The following LYRM4 variants were observed in gnomAD, a reference collection of about 807,000 sequenced individuals.
The protein encoded by LYRM4 is LYR motif-containing protein 4.
In LYRM4, 9 loss-of-function variants were observed where a neutral mutation model predicts 11.7. That is an observed-to-expected ratio of 0.77 (90% CI 0.46 to 1.34). The LOEUF is 1.34. LYRM4 is among the 40% of genes most tolerant of loss of function. LYRM4 has a pLI of 0.00. For synonymous variants in LYRM4, 42 were observed against 40.4 expected (o/e 1.04, Z -0.15); for missense variants, 133 against 112.5 (o/e 1.18, Z -0.82).
chr6:5,163,411 G>C (rs1399993363), intron 2 of LYRM4, among the ~76,000 whole-genome samples: 1 of 151,946 alleles, frequency 6.6e-6, no homozygotes. Flanking sequence ...TCACCGATCA[G>C]TTTGCCTAGC....
chr6:5,111,003 A>G (rs552993424), intron 2 of LYRM4, among the ~76,000 whole-genome samples: 2 of 152,234 alleles, frequency 1.3e-5, no homozygotes, highest in Non-Finnish European at 2.9e-5. Context: ...AATGCAGCAC[A>G]GGGACTTTCT....
chr6:5,128,969 C>G (rs1254197594), intron 2 of LYRM4, among the ~76,000 whole-genome samples: 1 of 152,206 alleles, frequency 6.6e-6, no homozygotes, highest in Non-Finnish European at 1.5e-5. Flanking sequence ...CTGATGTGCT[C>G]CTTACATATG....
chr6:5,099,996 A>G (rs937253609), downstream of LYRM4, among the ~76,000 whole-genome samples: 3 of 152,180 alleles, frequency 2.0e-5, no homozygotes, highest in African/African-American at 7.2e-5. The surrounding 1 kb of genome is among the most constrained non-coding windows in gnomAD (Gnocchi z 4.3). Context: ...CTAGACATTT[A>G]GACCTGTCAA....
At chr6:5,148,921 T>C (rs1217701976) in intron 2 of LYRM4, among the ~76,000 whole-genome samples, 1 of 152,230 alleles carries the variant, frequency 6.6e-6, no homozygotes, top group African/African-American at 2.4e-5. Context: ...TAAGTTTTCA[T>C]TTCTTAATCG....
intron 2 of LYRM4, among the ~76,000 whole-genome samples, chr6:5,212,850 C>T (rs993348690): frequency 1.3e-5 from 2 of 152,032 alleles, no homozygotes; most frequent in African/African-American, 4.8e-5. Flanking sequence ...ACTGAGTGGG[C>T]CATAATCATG....
chr6:5,085,529 C>G, the LYRM4 span: 1 of 1,539,144 alleles, frequency 6.5e-7, no homozygotes, highest in Non-Finnish European at 8.7e-7. Context: ...GCGCCGGGAC[C>G]AGCGCCCTTC....
chr6:5,185,205 A>G (rs913961518), intron 2 of LYRM4, among the ~76,000 whole-genome samples: 18 of 152,244 alleles, frequency 1.2e-4, no homozygotes, highest in East Asian at 1.9e-4. Flanking sequence ...TATGTGTCCA[A>G]TGAATGAATG....
the LYRM4 span, among the ~76,000 whole-genome samples, chr6:5,052,658 G>A: frequency 6.6e-6 from 1 of 152,266 alleles, no homozygotes; most frequent in East Asian, 1.9e-4. Context: ...ATGGATGGTG[G>A]TGACAGTTAC....
At chr6:5,127,311 C>T (rs1033407782) in intron 2 of LYRM4, among the ~76,000 whole-genome samples, 1 of 152,114 alleles carries the variant, frequency 6.6e-6, no homozygotes, top group Admixed American at 6.5e-5. Context: ...TCTTGAACTC[C>T]TGGGCTCAAG....
chr6:5,221,482 C>G (rs936209795), intron 1 of LYRM4, among the ~76,000 whole-genome samples: 2 of 152,290 alleles, frequency 1.3e-5, no homozygotes, highest in South Asian at 4.1e-4. Context: ...ATCACGAGGT[C>G]AGGAGTTTGA....
chr6:5,254,974 C>T (rs1277373047), intron 1 of LYRM4, among the ~76,000 whole-genome samples: 1 of 152,166 alleles, frequency 6.6e-6, no homozygotes, highest in East Asian at 1.9e-4. Context: ...CTGGGTTCTG[C>T]CATAACCACT....
chr6:5,113,486 G>A (rs1762978018), intron 2 of LYRM4: 5 of 319,730 alleles, frequency 1.6e-5, no homozygotes, highest in South Asian at 7.0e-5. Flanking sequence ...AGTTATAGAC[G>A]GGCAGCCAGA....
At chr6:5,224,056 T>C (rs1762739700) in intron 1 of LYRM4, among the ~76,000 whole-genome samples, 1 of 152,196 alleles carries the variant, frequency 6.6e-6, no homozygotes, top group Non-Finnish European at 1.5e-5. Context: ...CTCCCTGGTT[T>C]TCTCTCCTGG....
chr6:5,236,850 G>A (rs1763576055), intron 1 of LYRM4, among the ~76,000 whole-genome samples: 1 of 152,024 alleles, frequency 6.6e-6, no homozygotes. Flanking sequence ...CCAGCTATTT[G>A]GGAGCCTGAG....
At chr6:5,160,613 G>A (rs1257789436) in intron 2 of LYRM4, among the ~76,000 whole-genome samples, 1 of 151,108 alleles carries the variant, frequency 6.6e-6, no homozygotes, top group Non-Finnish European at 1.5e-5. Context: ...TGTGAGATGT[G>A]CCTTTGTTCC....
the LYRM4 span, among the ~76,000 whole-genome samples, chr6:5,084,251 C>T: frequency 2.6e-5 from 4 of 152,338 alleles, no homozygotes; most frequent in Admixed American, 6.5e-5. Context: ...AAAAACACCA[C>T]TTTTAGACGT....
intron 2 of LYRM4, among the ~76,000 whole-genome samples, chr6:5,131,201 G>A (rs1261775663): frequency 6.6e-6 from 1 of 152,112 alleles, no homozygotes; most frequent in Non-Finnish European, 1.5e-5. Context: ...GACAGGATGC[G>A]GCAGTCATAA....
At chr6:5,110,104 T>C (rs1451501953) in intron 2 of LYRM4, among the ~76,000 whole-genome samples, 1 of 152,198 alleles carries the variant, frequency 6.6e-6, no homozygotes, top group Non-Finnish European at 1.5e-5. Context: ...GCTGGAGCCA[T>C]CCTCTGGGGC....
chr6:5,188,912 T>C (rs1259375048), intron 2 of LYRM4, among the ~76,000 whole-genome samples: 5 of 152,126 alleles, frequency 3.3e-5, no homozygotes, highest in African/African-American at 9.7e-5. Context: ...TACATGTGCA[T>C]GTCACCATGC....
Sources: allele counts gnomAD v4.1 joint callset (sites outside exome capture counted in the v4.1 genomes callset), GRCh38; gene constraint gnomAD v4.1.1; non-coding constraint Gnocchi (gnomAD v3.1); transcripts MANE v1.5; gene names NCBI Gene and HGNC (gene_info 2026-07-23, HGNC 2026-07-21).